Variants in PPFIA2 observed in about 807,000 individuals in gnomAD.
The protein encoded by PPFIA2 is PPFI scaffold protein A2.
A neutral mutation model predicts 175.5 loss-of-function variants in PPFIA2; 46 were observed. That is an observed-to-expected ratio of 0.26 (90% CI 0.21 to 0.34). The LOEUF (loss-of-function observed/expected upper bound fraction) is 0.34. Ranked by LOEUF, PPFIA2 falls within the 10% of genes least tolerant of loss-of-function variation. PPFIA2 has a pLI of 1.00. For missense variants in PPFIA2, 1,179 were observed against 1,506.1 expected, an observed-to-expected ratio of 0.78 and a Z score of 3.60; for synonymous variants, 568 against 511.4, an observed-to-expected ratio of 1.11 and a Z score of -1.49.
chr12:81,464,366 T>G (rs895099624), intron 4 of PPFIA2, among the ~76,000 whole-genome samples: 1 of 152,114 alleles, frequency 6.6e-6, no homozygotes, highest in African/African-American at 2.4e-5. Flanking sequence ...ATTGTTTCCA[T>G]CAAAACCCAT....
intron 4 of PPFIA2, among the ~76,000 whole-genome samples, chr12:81,661,221 G>C (rs1419322514): frequency 6.6e-6 from 1 of 152,120 alleles, no homozygotes; most frequent in Non-Finnish European, 1.5e-5. Context: ...ATGTAAATGA[G>C]CTAAATGCTC....
intron 4 of PPFIA2, among the ~76,000 whole-genome samples, chr12:81,534,955 C>T (rs1468306751): frequency 6.6e-6 from 1 of 151,620 alleles, no homozygotes; most frequent in East Asian, 1.9e-4. Context: ...CTGCTTCCCC[C>T]AGTACAGTCC....
At chr12:81,376,027 T>C (rs1015445589) in intron 9 of PPFIA2, 85 bp from the exon 10 acceptor site, 50 of 1,243,100 alleles carry the variant, frequency 4.0e-5, no homozygotes, top group Admixed American at 3.3e-4. Flanking sequence ...AAAAGAAACA[T>C]AAAAACTATT....
intron 4 of PPFIA2, among the ~76,000 whole-genome samples, chr12:81,584,957 T>G: frequency 8.9e-6 from 1 of 112,752 alleles, no homozygotes; most frequent in Non-Finnish European, 1.7e-5. Context: ...TTAATTATAT[T>G]TATATATAAT....
intron 4 of PPFIA2, among the ~76,000 whole-genome samples, chr12:81,666,070 C>T (rs1193167293): frequency 2.0e-5 from 3 of 152,248 alleles, no homozygotes; most frequent in South Asian, 4.1e-4. Context: ...GATACCATCT[C>T]ACACCAGTTA....
In PPFIA2 at chr12:81,347,773, G is replaced by A; in HGVS notation, c.1995-3C>T. On this transcript the variant is annotated splice_region_variant and splice_polypyrimidine_tract_variant and intron_variant, in intron 17 of 32. Coordinates refer to ENST00000549396, the MANE Select transcript of PPFIA2 (RefSeq NM_003625.5). ...ATTCTTTTTCTTCCTGAATTAGCCT[G>A]AAAGATACAGTTTAATTATGATCCA... is the stretch of plus-strand genomic sequence containing the variant. The A allele has an allele frequency of 6.2e-7, 1 of 1,613,270 alleles. No individual in the cohort carries two copies. The highest frequency in any genetic ancestry group is 2.2e-5 in the East Asian group (1 of 44,832).
chr12:81,561,337 A>C (rs1413645007), intron 4 of PPFIA2, among the ~76,000 whole-genome samples: 2 of 152,182 alleles, frequency 1.3e-5, no homozygotes, highest in African/African-American at 4.8e-5. Flanking sequence ...TTAGAAAAAC[A>C]ATTTTGGAGG....
At chr12:81,299,212 T>C (rs2047222519) in intron 23 of PPFIA2, 89 bp downstream of exon 23, 2 of 1,469,026 alleles carry the variant, frequency 1.4e-6, no homozygotes, top group Admixed American at 4.2e-5. Flanking sequence ...GGGGATGCTG[T>C]GATTTCAGAA....
chr12:81,282,840 T>C (rs2042385684), intron 26 of PPFIA2, 170 bp downstream of exon 26: 1 of 457,218 alleles, frequency 2.2e-6, no homozygotes, highest in East Asian at 3.4e-5. Flanking sequence ...ATATGGTAAC[T>C]TAAAAAGACA....
chr12:81,691,700 A>C (rs1022683271), intron 3 of PPFIA2, among the ~76,000 whole-genome samples: 1 of 152,162 alleles, frequency 6.6e-6, no homozygotes. Context: ...AGATTAATTC[A>C]ACAAGGACCT....
chr12:81,296,355 C>T (rs1280492177), intron 23 of PPFIA2, among the ~76,000 whole-genome samples: 1 of 152,130 alleles, frequency 6.6e-6, no homozygotes, highest in Non-Finnish European at 1.5e-5. Flanking sequence ...GATTTTTCAA[C>T]TTTGCTGTGA....
intron 4 of PPFIA2, among the ~76,000 whole-genome samples, chr12:81,493,754 CTATA>C (rs5799531): frequency 0.027 from 2,745 of 102,064 alleles, 32 homozygotes; most frequent in Non-Finnish European, 0.032. Context: ...GTGTGTGTGT[CTATA>C]TATATATATA....
chr12:81,446,583 C>G (rs2051311319), intron 5 of PPFIA2, among the ~76,000 whole-genome samples: 1 of 152,060 alleles, frequency 6.6e-6, no homozygotes, highest in Non-Finnish European at 1.5e-5. Context: ...AGTGAAGAAC[C>G]ACACACAGTT....
At chr12:81,548,161 G>A (rs956419799) in intron 4 of PPFIA2, among the ~76,000 whole-genome samples, 23 of 152,138 alleles carry the variant, frequency 1.5e-4, no homozygotes, top group Admixed American at 4.6e-4. Context: ...CACCAGAGTA[G>A]GAGATAGATC....
intron 9 of PPFIA2, among the ~76,000 whole-genome samples, chr12:81,381,570 A>T (rs905510511): frequency 6.6e-6 from 1 of 152,108 alleles, no homozygotes; most frequent in Non-Finnish European, 1.5e-5. Context: ...ACAGACCAAG[A>T]AGTGAGCCCG....
At chr12:81,485,407 T>C (rs972768387) in intron 4 of PPFIA2, among the ~76,000 whole-genome samples, 2 of 151,766 alleles carry the variant, frequency 1.3e-5, no homozygotes, top group Non-Finnish European at 2.9e-5. Flanking sequence ...TAAAAATCCT[T>C]AACCTATAAG....
At chr12:81,481,414 T>C (rs895440409) in intron 4 of PPFIA2, among the ~76,000 whole-genome samples, 1 of 151,940 alleles carries the variant, frequency 6.6e-6, no homozygotes, top group African/African-American at 2.4e-5. Flanking sequence ...ATGGAACCAA[T>C]AAAGAGCCCG....
At chr12:81,722,087 T>C (rs1247663732) in intron 3 of PPFIA2, among the ~76,000 whole-genome samples, 2 of 151,106 alleles carry the variant, frequency 1.3e-5, no homozygotes, top group African/African-American at 4.8e-5. Flanking sequence ...TAGGACACTT[T>C]CCTCAGGGCA....
chr12:81,397,848 C>A (rs11114846), intron 8 of PPFIA2, among the ~76,000 whole-genome samples: 6 of 151,506 alleles, frequency 4.0e-5, no homozygotes, highest in Admixed American at 6.6e-5. Context: ...GTAAGATCAG[C>A]GGCAGCATTA....
Sources: allele counts gnomAD v4.1 joint callset (sites outside exome capture counted in the v4.1 genomes callset), GRCh38; gene constraint gnomAD v4.1.1; transcripts MANE v1.5; gene names NCBI Gene and HGNC (gene_info 2026-07-23, HGNC 2026-07-21).